TRIM37: variants seen among roughly 807,000 people sequenced by gnomAD.
The protein encoded by TRIM37 is E3 ubiquitin-protein ligase TRIM37.
Under a neutral mutation model 129.8 loss-of-function variants are expected in TRIM37, and 80 were observed. The observed-to-expected ratio is 0.62, with a 90% CI of 0.51 to 0.74. The LOEUF is 0.74. Ranked by LOEUF, TRIM37 falls within the 30% of genes least tolerant of loss-of-function variation. The probability of loss-of-function intolerance (pLI) is 0.00; values close to 1 mark genes in which losing one functional copy is unlikely to be tolerated. For missense variants in TRIM37, 1,054 were observed against 1,176.5 expected (o/e 0.90, Z 1.52); for synonymous variants, 389 against 387.1 (o/e 1.00, Z -0.06).
At chr17:59,081,964 A>AAAAAAAAAAAAAAAAAAT (rs1568200247) in intron 5 of TRIM37, among the ~76,000 whole-genome samples, 3 of 87,222 alleles carry the variant, frequency 3.4e-5, no homozygotes, top group African/African-American at 1.0e-4. Flanking sequence ...AAAAAAAAAA[A>AAAAAAAAAAAAAAAAAAT]AATAATAATA....
intron 16 of TRIM37, among the ~76,000 whole-genome samples, chr17:59,044,721 G>A (rs959565019): frequency 1.3e-5 from 2 of 152,180 alleles, no homozygotes; most frequent in Non-Finnish European, 2.9e-5. Context: ...GTATAGGGGA[G>A]GATGTGCATA....
At chr17:58,987,885 T>C (rs1200601716) in intron 24 of TRIM37, among the ~76,000 whole-genome samples, 1 of 152,230 alleles carries the variant, frequency 6.6e-6, no homozygotes, top group African/African-American at 2.4e-5. Flanking sequence ...TTTACATATA[T>C]ACATTTTTAA....
At position 59,084,039 on chromosome 17, in the gene TRIM37, T is replaced by C. The variant is rs1430024661; in HGVS notation, c.332A>G (p.Lys111Arg). The change falls in exon 5 of 24, where the codon AAG becomes AGG. Residue 111 changes from lysine to arginine, a missense_variant. Lys to Arg is a conservative substitution (Grantham distance 26, BLOSUM62 2). This residue lies in a region of TRIM37 where 752 missense variants were observed against 870.8 expected (regional missense o/e 0.86). Coordinates refer to ENST00000262294, the MANE Select transcript of TRIM37 (RefSeq NM_015294.6). ...AAGTGCACACTGATGGCAGATACAC[T>C]TCTTACAAGTCCAGCAAAATACACT... Reference protein sequence around the residue: ...KLSVFCWTCKKCICHQCALWG... With the variant: ...KLSVFCWTCKRCICHQCALWG... 1.9e-6 allele frequency: 3 copies of C among 1,613,800 alleles called. No individual in the cohort carries two copies. Among genetic ancestry groups the C allele is most frequent in the Admixed American group, 1.7e-5 (1 of 60,004 alleles).
chr17:59,021,895 T>G (rs981136016), intron 19 of TRIM37, among the ~76,000 whole-genome samples: 2 of 151,898 alleles, frequency 1.3e-5, no homozygotes, highest in African/African-American at 4.8e-5. Context: ...TATATATACC[T>G]ACAATGTACC....
At chr17:59,088,156 G>T in intron 4 of TRIM37, 135 bp downstream of exon 4, 2 of 669,582 alleles carry the variant, frequency 3.0e-6, no homozygotes, top group South Asian at 3.4e-5. Context: ...AACAGCGCAT[G>T]ACTGAAAGAA....
chr17:58,992,295 A>G (rs12945744), intron 24 of TRIM37, among the ~76,000 whole-genome samples: 1 of 136,208 alleles, frequency 7.3e-6, no homozygotes, highest in Non-Finnish European at 1.5e-5. Flanking sequence ...ATTTATATAT[A>G]TTTATATATA....
In TRIM37 at chr17:59,106,835, C is replaced by T. The variant is rs2046048421; in HGVS notation, c.-374G>A. The T allele has an allele frequency of 4.8e-6, 2 of 415,830 alleles. No individual in the cohort carries two copies. Among genetic ancestry groups the T allele is most frequent in the Non-Finnish European group, 4.4e-6 (1 of 229,104 alleles). The allele number at this position is 415,830 out of a possible 1,614,324, so 25.8% of individuals were successfully genotyped here. A position where few individuals can be genotyped will look rare whatever the true frequency, so the allele number is the denominator to read the frequency against. On this transcript the variant is annotated 5_prime_UTR_variant, in exon 1 of 24. Transcript: ENST00000262294. The stretch of plus-strand genomic sequence containing the variant: ...GGTGCCGCAGAGAATTCGCAAACAC[C>T]AACCGTAACCAGAGCAGCTGGGGGC...
chr17:58,985,646 G>C (rs534038145), intron 24 of TRIM37, among the ~76,000 whole-genome samples: 1 of 152,290 alleles, frequency 6.6e-6, no homozygotes, highest in South Asian at 2.1e-4. Context: ...AGACAAAAAG[G>C]ACAATGTGGG....
chr17:59,056,510 A>C (rs951241083), intron 13 of TRIM37, among the ~76,000 whole-genome samples: 46 of 151,922 alleles, frequency 3.0e-4, no homozygotes, highest in Non-Finnish European at 5.6e-4. Flanking sequence ...CGGGCGGATC[A>C]CGAGGTCAGG....
Position 59,017,279 on chromosome 17 carries a change from G to A in TRIM37, c.2386+17C>T. 2 of 1,613,706 alleles carry A rather than the reference G, an allele frequency of 1.2e-6. No individual in the cohort carries two copies. Among genetic ancestry groups the A allele is most frequent in the Non-Finnish European group, 1.7e-6 (2 of 1,179,718 alleles). On this transcript the variant is annotated intron_variant, in intron 20 of 23. Transcript: ENST00000262294. Reference sequence around the variant, plus strand: ...ATTTACCCCACTAAAAGTACATTCTGAATCCCTCAAATTTACCTTCAGACA... The same window carrying A: ...ATTTACCCCACTAAAAGTACATTCTAAATCCCTCAAATTTACCTTCAGACA...
chr17:59,018,617 C>T (rs2036219666), intron 19 of TRIM37, among the ~76,000 whole-genome samples: 2 of 152,042 alleles, frequency 1.3e-5, no homozygotes, highest in South Asian at 4.1e-4. Context: ...ACAGCAAAGA[C>T]ATCCTGTGTT....
chr17:58,987,024 C>G (rs1378594624), intron 24 of TRIM37, among the ~76,000 whole-genome samples: 1 of 152,132 alleles, frequency 6.6e-6, no homozygotes, highest in Non-Finnish European at 1.5e-5. Flanking sequence ...TTATGCTGAG[C>G]TGTAGGATGC....
chr17:59,019,630 C>T (rs1394114291), intron 19 of TRIM37, among the ~76,000 whole-genome samples: 1 of 151,964 alleles, frequency 6.6e-6, no homozygotes, highest in East Asian at 1.9e-4. Flanking sequence ...ATGGCGTGAA[C>T]CCGGGAAGCG....
intron 2 of TRIM37, among the ~76,000 whole-genome samples, chr17:59,101,065 A>G (rs1009737707): frequency 6.6e-6 from 1 of 151,878 alleles, no homozygotes; most frequent in Non-Finnish European, 1.5e-5. Flanking sequence ...AAAACTGTAC[A>G]CTTTAAATAT....
chr17:59,018,627 T>C (rs1476269556), intron 19 of TRIM37, among the ~76,000 whole-genome samples: 1 of 151,842 alleles, frequency 6.6e-6, no homozygotes, highest in African/African-American at 2.4e-5. Context: ...CATCCTGTGT[T>C]CATCACTGAT....
Position 59,004,505 on chromosome 17 carries a change from G to A in TRIM37, c.2696-2791C>T, listed in dbSNP as rs560663232. Among the ~76,000 whole-genome samples, 11 of 152,116 alleles carry A rather than the reference G, an allele frequency of 7.2e-5. No individual in the cohort carries two copies. In the South Asian group the frequency reaches 1.9e-3, roughly 26 times the overall value. On this transcript the variant is annotated intron_variant, in intron 22 of 23. Coordinates refer to ENST00000262294, the MANE Select transcript of TRIM37 (RefSeq NM_015294.6). ...AAAAAAACCACAATGAAACAAAATGGTGTTTCTTTGAAAAGATCGATAAAG... is the reference window on the plus strand; with the variant it reads ...AAAAAAACCACAATGAAACAAAATGATGTTTCTTTGAAAAGATCGATAAAG...
At chr17:59,103,320 T>C (rs1039308764) in intron 2 of TRIM37, among the ~76,000 whole-genome samples, 11 of 152,034 alleles carry the variant, frequency 7.2e-5, no homozygotes, top group Non-Finnish European at 1.5e-4. Context: ...AACCAAAATC[T>C]TGGACTTCCT....
At chr17:59,030,867 T>C (rs1395178568) in intron 18 of TRIM37, among the ~76,000 whole-genome samples, 1 of 152,216 alleles carries the variant, frequency 6.6e-6, no homozygotes, top group Non-Finnish European at 1.5e-5. Context: ...TAAACCAACT[T>C]ACATATCTAC....
At chr17:58,988,788 C>T (rs1212753411) in intron 24 of TRIM37, among the ~76,000 whole-genome samples, 2 of 152,086 alleles carry the variant, frequency 1.3e-5, no homozygotes, top group African/African-American at 4.8e-5. Flanking sequence ...ATCAGAAATA[C>T]AAGGTATCAT....
Sources: allele counts gnomAD v4.1 joint callset (sites outside exome capture counted in the v4.1 genomes callset), GRCh38; gene constraint gnomAD v4.1.1; regional missense constraint gnomAD v4.1.1; transcripts MANE v1.5; gene names NCBI Gene and HGNC (gene_info 2026-07-23, HGNC 2026-07-21).